UBE2E2: variants seen among roughly 807,000 people sequenced by gnomAD.
The protein encoded by UBE2E2 is ubiquitin-conjugating enzyme E2 E2.
UBE2E2 carries 6 observed loss-of-function variants against 24.7 expected under a neutral mutation model. The ratio of observed to expected loss-of-function variants is 0.24; its 90% CI spans 0.13 to 0.48. UBE2E2 has a LOEUF of 0.48. Among genes scored for constraint, UBE2E2 ranks in the 20% least tolerant of loss-of-function variants. The pLI is 0.99. For missense variants in UBE2E2, 169 were observed against 245.0 expected (o/e 0.69, Z 2.07); for synonymous variants, 104 against 83.6 (o/e 1.24, Z -1.33).
chr3:23,384,793 G>A (rs1358685904), intron 3 of UBE2E2, among the ~76,000 whole-genome samples: 1 of 151,264 alleles, frequency 6.6e-6, no homozygotes, highest in Non-Finnish European at 1.5e-5. Flanking sequence ...CGCCCACCTC[G>A]GCGTCCAAAA....
intron 5 of UBE2E2, among the ~76,000 whole-genome samples, chr3:23,569,567 C>G (rs1478594222): frequency 6.6e-6 from 1 of 152,130 alleles, no homozygotes. Flanking sequence ...CTTGCTGCAG[C>G]TAGAGCTTTT....
At chr3:23,245,368 A>G (rs190117795) in intron 3 of UBE2E2, among the ~76,000 whole-genome samples, 1 of 152,284 alleles carries the variant, frequency 6.6e-6, no homozygotes, top group Admixed American at 6.5e-5. Context: ...CTCATTTTAT[A>G]GTTGGGGTGA....
At chr3:23,470,725 A>G (rs1311119865) in intron 3 of UBE2E2, among the ~76,000 whole-genome samples, 1 of 152,170 alleles carries the variant, frequency 6.6e-6, no homozygotes, top group Non-Finnish European at 1.5e-5. Context: ...GCCAGTAAAA[A>G]CGGTTCTTAA....
At chr3:23,458,564 C>T (rs1442230664) in intron 3 of UBE2E2, among the ~76,000 whole-genome samples, 2 of 152,036 alleles carry the variant, frequency 1.3e-5, no homozygotes, top group Admixed American at 6.6e-5. Context: ...ACCACAGGCG[C>T]CCATCACCAC....
At chr3:23,283,972 G>A (rs1043237325) in intron 3 of UBE2E2, among the ~76,000 whole-genome samples, 2 of 152,156 alleles carry the variant, frequency 1.3e-5, no homozygotes, top group Non-Finnish European at 2.9e-5. Context: ...AAAGAATATG[G>A]ATAAGAGGGC....
chr3:23,543,602 A>G (rs185499848), intron 5 of UBE2E2, among the ~76,000 whole-genome samples: 5 of 152,302 alleles, frequency 3.3e-5, no homozygotes, highest in Admixed American at 3.3e-4. Flanking sequence ...TTTCATGTTC[A>G]TGGATTGGAA....
chr3:23,232,766 C>T (rs965201216), intron 3 of UBE2E2, among the ~76,000 whole-genome samples: 4 of 152,082 alleles, frequency 2.6e-5, no homozygotes, highest in Admixed American at 6.5e-5. Context: ...CATTTATAAT[C>T]GATTAAGAGA....
chr3:23,521,891 C>T (rs1296100283), intron 4 of UBE2E2, among the ~76,000 whole-genome samples: 1 of 150,906 alleles, frequency 6.6e-6, no homozygotes, highest in Non-Finnish European at 1.5e-5. Flanking sequence ...CCCGTGTACC[C>T]CCCACCCCCC....
intron 2 of UBE2E2, among the ~76,000 whole-genome samples, chr3:23,209,641 T>A (rs898329497): frequency 7.9e-5 from 12 of 152,246 alleles, no homozygotes; most frequent in African/African-American, 2.9e-4. Flanking sequence ...CTGTAACTTG[T>A]AGGCATAGTG....
At chr3:23,572,943 A>G (rs1045215344) in intron 5 of UBE2E2, among the ~76,000 whole-genome samples, 18 of 152,138 alleles carry the variant, frequency 1.2e-4, no homozygotes, top group Non-Finnish European at 2.4e-4. Flanking sequence ...TGTTTTGATG[A>G]CATTATTTAG....
intron 3 of UBE2E2, among the ~76,000 whole-genome samples, chr3:23,322,232 T>C (rs940969246): frequency 3.3e-5 from 5 of 152,234 alleles, no homozygotes; most frequent in Non-Finnish European, 5.9e-5. Flanking sequence ...CTTTCATGAG[T>C]ATTTATTTGA....
At position 23,436,094 on chromosome 3, in the gene UBE2E2, C is replaced by G. The variant is rs1456236053; in HGVS notation, c.228-63514C>G. On this transcript the variant is annotated intron_variant, in intron 3 of 5. Coordinates refer to ENST00000396703, the MANE Select transcript of UBE2E2 (RefSeq NM_152653.4). ...AACTCAGGCAACAATGCTTGCTCCC[C>G]AGCCGCTCACCTCCTGCTGTGCGGC... Among the ~76,000 whole-genome samples, 4 of 152,104 alleles carry G rather than the reference C, an allele frequency of 2.6e-5. No homozygotes were observed. In the East Asian group the frequency reaches 7.7e-4, roughly 29 times the overall value.
chr3:23,373,431 G>A (rs939970867), intron 3 of UBE2E2, among the ~76,000 whole-genome samples: 1 of 152,130 alleles, frequency 6.6e-6, no homozygotes, highest in Non-Finnish European at 1.5e-5. Context: ...CTCCTGGTCT[G>A]TAGTTCAAGA....
At chr3:23,308,036 C>T (rs1397154070) in intron 3 of UBE2E2, among the ~76,000 whole-genome samples, 1 of 152,156 alleles carries the variant, frequency 6.6e-6, no homozygotes, top group Non-Finnish European at 1.5e-5. Flanking sequence ...AAGTTTTTAC[C>T]AACTCCCCCC....
chr3:23,322,613 C>T (rs1304097958), intron 3 of UBE2E2, among the ~76,000 whole-genome samples: 4 of 151,872 alleles, frequency 2.6e-5, no homozygotes, highest in African/African-American at 9.7e-5. Flanking sequence ...ATGGTTTGAA[C>T]CTTATATTTT....
chr3:23,321,288 T>G (rs555963184), intron 3 of UBE2E2, among the ~76,000 whole-genome samples: 2 of 152,130 alleles, frequency 1.3e-5, no homozygotes, highest in African/African-American at 4.8e-5. Context: ...CACAATTCAG[T>G]CCATAAAGAG....
At chr3:23,243,607 A>G (rs1009155026) in intron 3 of UBE2E2, among the ~76,000 whole-genome samples, 1 of 152,212 alleles carries the variant, frequency 6.6e-6, no homozygotes, top group East Asian at 1.9e-4. Flanking sequence ...GTGGCTCAGC[A>G]AAAAATAATT....
intron 3 of UBE2E2, among the ~76,000 whole-genome samples, chr3:23,273,544 AG>A (rs869284546): frequency 0.029 from 4,202 of 143,922 alleles, 101 homozygotes; most frequent in East Asian, 0.13. Flanking sequence ...AAAAAAAAAA[AG>A]AGAGAGAAAT....
chr3:23,354,654 A>C (rs545775182), intron 3 of UBE2E2, among the ~76,000 whole-genome samples: 2 of 152,366 alleles, frequency 1.3e-5, no homozygotes, highest in African/African-American at 4.8e-5. Flanking sequence ...GCCATCAAAG[A>C]AATGCAAATC....
Sources: gnomAD v4.1 joint callset for allele counts (sites outside exome capture counted in the v4.1 genomes callset) on GRCh38, gnomAD v4.1.1 for gene constraint, MANE v1.5 for transcripts, NCBI Gene and HGNC (gene_info 2026-07-23, HGNC 2026-07-21) for gene names.